NEK10: variants seen among roughly 807,000 people sequenced by gnomAD.
NEK10 encodes serine/threonine-protein kinase Nek10.
In NEK10, 122 loss-of-function variants were observed where a neutral mutation model predicts 159.8. The ratio of observed to expected loss-of-function variants is 0.76; its 90% CI spans 0.66 to 0.89. NEK10 has a LOEUF of 0.89. Ranked by LOEUF, NEK10 falls within the 40% of genes least tolerant of loss-of-function variation. The probability of loss-of-function intolerance (pLI) is 0.00; values close to 1 mark genes in which losing one functional copy is unlikely to be tolerated. For missense variants in NEK10, 1,342 were observed against 1,323.1 expected, an observed-to-expected ratio of 1.01 and a Z score of -0.22; for synonymous variants, 466 against 457.1, an observed-to-expected ratio of 1.02 and a Z score of -0.25.
At chr3:27,141,645 T>C in intron 30 of NEK10, 63 bp from the exon 31 acceptor site, 2 of 1,278,024 alleles carry the variant, frequency 1.6e-6, no homozygotes, top group South Asian at 1.3e-5. Flanking sequence ...AGTGAAAAAA[T>C]GAAGTAAAAT....
chr3:27,349,619 C>CT (rs567280877), intron 3 of NEK10, among the ~76,000 whole-genome samples: 245 of 152,272 alleles, frequency 1.6e-3, no homozygotes, highest in African/African-American at 5.5e-3. Flanking sequence ...TTTCTTCCAT[C>CT]TTTTTTTAAA....
intron 32 of NEK10, among the ~76,000 whole-genome samples, chr3:27,127,824 G>T (rs1164944687): frequency 6.6e-6 from 1 of 151,922 alleles, no homozygotes; most frequent in Non-Finnish European, 1.5e-5. Flanking sequence ...TCCCTAAAAT[G>T]CTTTAATCTT....
At chr3:27,204,305 T>G (rs1302814103) in intron 23 of NEK10, among the ~76,000 whole-genome samples, 219 of 113,472 alleles carry the variant, frequency 1.9e-3, no homozygotes, top group African/African-American at 5.5e-3. Context: ...GTTGTTGTTT[T>G]TTTTTTTTTT....
intron 19 of NEK10, among the ~76,000 whole-genome samples, chr3:27,288,593 C>A (rs189158221): frequency 6.6e-6 from 1 of 152,304 alleles, no homozygotes; most frequent in African/African-American, 2.4e-5. Context: ...AATAGTTTGA[C>A]TTCTATTGCA....
At chr3:27,209,657 C>T (rs1277373690) in intron 23 of NEK10, among the ~76,000 whole-genome samples, 1 of 152,104 alleles carries the variant, frequency 6.6e-6, no homozygotes, top group Non-Finnish European at 1.5e-5. Context: ...GAGTAGAAGC[C>T]ATCAGAATAG....
intron 30 of NEK10, among the ~76,000 whole-genome samples, chr3:27,149,626 G>A (rs1302204014): frequency 6.6e-6 from 1 of 152,076 alleles, no homozygotes; most frequent in Non-Finnish European, 1.5e-5. Flanking sequence ...GATGTTGTGT[G>A]TACTCTGACT....
chr3:27,293,743 G>A (rs1167474653), intron 15 of NEK10, 91 bp from the exon 16 acceptor site: 4 of 695,856 alleles, frequency 5.7e-6, no homozygotes, highest in Non-Finnish European at 4.8e-6. Context: ...AAACATTAAC[G>A]TGACTTTATT....
chr3:27,143,068 T>C (rs1366036524), intron 30 of NEK10, among the ~76,000 whole-genome samples: 1 of 152,174 alleles, frequency 6.6e-6, no homozygotes, highest in Non-Finnish European at 1.5e-5. Flanking sequence ...AGCTCTAAAA[T>C]AGAAAACAGA....
At chr3:27,143,535 A>T in intron 30 of NEK10, 2 of 721,384 alleles carry the variant, frequency 2.8e-6, no homozygotes, top group South Asian at 1.5e-5. Context: ...CAACTATGCA[A>T]TTTTTTTAAC....
At chr3:27,300,250 G>A (rs191377937) in intron 13 of NEK10, among the ~76,000 whole-genome samples, 3 of 152,260 alleles carry the variant, frequency 2.0e-5, no homozygotes, top group Admixed American at 2.0e-4. Context: ...TCTCACTTGA[G>A]ATCTGATTGT....
chr3:27,218,881 A>T (rs1177693328), intron 23 of NEK10, among the ~76,000 whole-genome samples: 3 of 152,220 alleles, frequency 2.0e-5, no homozygotes, highest in Non-Finnish European at 4.4e-5. Context: ...CACAATTCTC[A>T]GGTAACATTG....
chr3:27,174,571 A>G, intron 27 of NEK10, 46 bp from the exon 28 acceptor site: 1 of 1,602,208 alleles, frequency 6.2e-7, no homozygotes, highest in Admixed American at 1.8e-5. Flanking sequence ...GTCTTGAAAC[A>G]GGAAGGAGTC....
chr3:27,119,727 G>T, intron 33 of NEK10, 33 bp downstream of exon 33: 1 of 1,506,070 alleles, frequency 6.6e-7, no homozygotes, highest in Non-Finnish European at 9.2e-7. Flanking sequence ...ATTTCTTCAT[G>T]AAAGCCAGGT....
At chr3:27,178,107 C>G (rs1163312073) in intron 26 of NEK10, among the ~76,000 whole-genome samples, 1 of 152,116 alleles carries the variant, frequency 6.6e-6, no homozygotes, top group Non-Finnish European at 1.5e-5. Flanking sequence ...AAATCAGCAC[C>G]ATTATAGAAG....
chr3:27,353,018 C>T lies in NEK10; in HGVS notation c.-37-99G>A, dbSNP rs1575888477. The T allele has an allele frequency of 6.5e-6, 4 of 612,098 alleles. No individual in the cohort carries two copies. The East Asian group carries it at 1.1e-4, about 17-fold the overall frequency. 37.9% of individuals were successfully genotyped at this position (612,098 alleles called of 1,614,324 possible). On this transcript the variant is annotated intron_variant, in intron 1 of 35. Coordinates refer to ENST00000691995, the MANE Select transcript of NEK10 (RefSeq NM_001394966.1). ...AACCCACTTATAACATCTATTTAAACATGGAAAACCTAGATTTAGTTCTAA... is the reference window on the plus strand; with the variant it reads ...AACCCACTTATAACATCTATTTAAATATGGAAAACCTAGATTTAGTTCTAA...
At chr3:27,179,929 A>T (rs1947901336) in intron 26 of NEK10, among the ~76,000 whole-genome samples, 1 of 152,002 alleles carries the variant, frequency 6.6e-6, no homozygotes, top group Non-Finnish European at 1.5e-5. Flanking sequence ...AAAAATACAA[A>T]AATTAGCCAG....
At chr3:27,264,709 T>G (rs1057406198) in intron 22 of NEK10, among the ~76,000 whole-genome samples, 6 of 152,010 alleles carry the variant, frequency 3.9e-5, no homozygotes, top group African/African-American at 1.4e-4. Context: ...CTGGCCAACA[T>G]GGGGATATCC....
In NEK10 at chr3:27,206,735, A is replaced by C. The variant is rs759306330; in HGVS notation, c.2091-4178T>G. On this transcript the variant is annotated intron_variant, in intron 23 of 35. Coordinates refer to ENST00000691995, the MANE Select transcript of NEK10 (RefSeq NM_001394966.1). ...AATAGGGTTAAAGCAGTGGACTCTA[A>C]ACAATTTGCCTATTTTATAAATTAG... 7 of 438,426 alleles carry C rather than the reference A, an allele frequency of 1.6e-5. 1 individual carries two copies. Among genetic ancestry groups the C allele is most frequent in the Non-Finnish European group, 2.1e-5 (7 of 330,248 alleles). The allele number at this position is 438,426 out of a possible 1,614,324, so 27.2% of individuals were successfully genotyped here. A position where few individuals can be genotyped will look rare whatever the true frequency, so the allele number is the denominator to read the frequency against.
At chr3:27,368,675 G>A (rs1392610929) in intron 1 of NEK10, among the ~76,000 whole-genome samples, 3 of 152,134 alleles carry the variant, frequency 2.0e-5, no homozygotes, top group Non-Finnish European at 4.4e-5. Context: ...GCACATGTGT[G>A]GCGTTAACTT....
Sources: allele counts gnomAD v4.1 joint callset (sites outside exome capture counted in the v4.1 genomes callset), GRCh38; gene constraint gnomAD v4.1.1; transcripts MANE v1.5; gene names NCBI Gene and HGNC (gene_info 2026-07-23, HGNC 2026-07-21).